CXADR: variants seen among roughly 807,000 people sequenced by gnomAD.
CXADR encodes the protein CXADR cell adhesion molecule, also known as coxsackievirus and adenovirus receptor.
A neutral mutation model predicts 40.3 loss-of-function variants in CXADR; 20 were observed. The observed-to-expected ratio is 0.50, with a 90% CI of 0.35 to 0.72. The LOEUF is 0.72. Ranked by LOEUF, CXADR falls within the 30% of genes least tolerant of loss-of-function variation. CXADR has a pLI of 0.01. For missense variants in CXADR, 332 were observed against 449.1 expected, an observed-to-expected ratio of 0.74 and a Z score of 2.36; for synonymous variants, 150 against 161.3, an observed-to-expected ratio of 0.93 and a Z score of 0.53.
chr21:17,619,106 T>G, the CXADR span, among the ~76,000 whole-genome samples: 3 of 152,218 alleles, frequency 2.0e-5, no homozygotes, highest in Non-Finnish European at 4.4e-5. Context: ...CTTTGTTGTT[T>G]TATTTCTAGA....
chr21:17,583,035 A>G (rs116836264), intron 7 of CXADR, among the ~76,000 whole-genome samples: 1,730 of 152,322 alleles, frequency 0.011, 35 homozygotes, highest in African/African-American at 0.039. Flanking sequence ...AGTGACTGCA[A>G]TTTGCAACCT....
At chr21:17,615,957 A>T in the CXADR span, among the ~76,000 whole-genome samples, 1 of 152,186 alleles carries the variant, frequency 6.6e-6, no homozygotes, top group African/African-American at 2.4e-5. Context: ...CAGCATTAAA[A>T]GCAAAACAGT....
the CXADR span, among the ~76,000 whole-genome samples, chr21:17,618,355 C>T: frequency 5.3e-5 from 8 of 152,272 alleles, no homozygotes; most frequent in African/African-American, 1.9e-4. Context: ...TAGTTGGAAT[C>T]GGCTTCTTCC....
At chr21:17,608,712 G>A in the CXADR span, 4 of 367,068 alleles carry the variant, frequency 1.1e-5, no homozygotes, top group Admixed American at 4.5e-5. Context: ...TGCACTGTTA[G>A]GAGCCAGGCT....
intron 1 of CXADR, among the ~76,000 whole-genome samples, chr21:17,534,045 T>TATATATAGCTATATATATATATAC (rs1569091517): frequency 1.3e-4 from 16 of 127,500 alleles, no homozygotes; most frequent in African/African-American, 4.9e-4. Context: ...TATATATATA[T>TATATATAGCTATATATATATATAC]ACACATATAT....
At chr21:17,610,398 G>A in the CXADR span, among the ~76,000 whole-genome samples, 3 of 152,170 alleles carry the variant, frequency 2.0e-5, no homozygotes, top group African/African-American at 4.8e-5. Context: ...CTTTCAGGAA[G>A]AGAGATACAT....
At chr21:17,563,757 C>T (rs190352361) in intron 6 of CXADR, among the ~76,000 whole-genome samples, 2,073 of 151,138 alleles carry the variant, frequency 0.014, 46 homozygotes, top group African/African-American at 0.045. Context: ...CTGGCTAACA[C>T]GGTGAAACCC....
At chr21:17,585,760 C>T (rs1293600384) in intron 7 of CXADR, among the ~76,000 whole-genome samples, 1 of 152,186 alleles carries the variant, frequency 6.6e-6, no homozygotes, top group East Asian at 1.9e-4. Flanking sequence ...GCTCATGATC[C>T]GCCCGCCTTG....
At chr21:17,594,933 C>T (rs1178375569), downstream of CXADR, among the ~76,000 whole-genome samples, 1 of 151,110 alleles carries the variant, frequency 6.6e-6, no homozygotes, top group Non-Finnish European at 1.5e-5. Flanking sequence ...ATATGTACAA[C>T]AAATCCCTGT....
chr21:17,592,497 TTC>T (rs950833402), intron 7 of CXADR, among the ~76,000 whole-genome samples: 66 of 151,974 alleles, frequency 4.3e-4, no homozygotes, highest in African/African-American at 1.1e-3. Flanking sequence ...AATAAATAAA[TTC>T]TGTCTGCTAA....
downstream of CXADR, among the ~76,000 whole-genome samples, chr21:17,598,033 A>G (rs1297163251): frequency 6.6e-6 from 1 of 152,188 alleles, no homozygotes; most frequent in Non-Finnish European, 1.5e-5. Flanking sequence ...TTCCTGTTGA[A>G]GAATGCTGTT....
intron 1 of CXADR, among the ~76,000 whole-genome samples, chr21:17,537,556 A>T (rs912227822): frequency 3.3e-5 from 5 of 152,112 alleles, no homozygotes; most frequent in Non-Finnish European, 7.4e-5. Context: ...CCCTGCTTGA[A>T]TTCTACAATG....
intron 1 of CXADR, among the ~76,000 whole-genome samples, chr21:17,526,079 G>A (rs1357395773): frequency 1.3e-5 from 2 of 152,212 alleles, no homozygotes; most frequent in Non-Finnish European, 2.9e-5. Context: ...TCTGGTCAGT[G>A]TTTGACCTAC....
chr21:17,563,579 A>G (rs1007723486), intron 6 of CXADR, among the ~76,000 whole-genome samples: 2 of 152,160 alleles, frequency 1.3e-5, no homozygotes, highest in African/African-American at 4.8e-5. Flanking sequence ...TGATTATGAG[A>G]AAGTTTGAAC....
the CXADR span, chr21:17,611,578 G>A: frequency 1.3e-5 from 2 of 152,258 alleles, no homozygotes; most frequent in African/African-American, 4.8e-5. Flanking sequence ...GAGAGTTACA[G>A]TCAGGGCAAG....
chr21:17,535,616 C>G (rs1177158124), intron 1 of CXADR, among the ~76,000 whole-genome samples: 1 of 152,122 alleles, frequency 6.6e-6, no homozygotes, highest in Non-Finnish European at 1.5e-5. Flanking sequence ...TCACAAAGCT[C>G]AATATTAAAT....
rs115370113 is a variant in CXADR, at chr21:17,577,384, A to G, written c.1017+11773A>G. Among the ~76,000 whole-genome samples the G allele has an allele frequency of 3.6e-3, 553 of 152,242 alleles. 5 individuals carry two copies. The highest frequency in any genetic ancestry group is 0.013 in the African/African-American group (524 of 41,542). On this transcript the variant is annotated intron_variant, in intron 7 of 7. Transcript: ENST00000400169. ...AAGTATTTCATATATATCCATTTTA[A>G]TGAAGCATGATGTTTCATTAAGTTG...
In CXADR at chr21:17,568,022, C is replaced by CCAGA; in HGVS notation, c.*2331_*2334dup. On this transcript the variant is annotated 3_prime_UTR_variant, in exon 7 of 7. Coordinates refer to ENST00000284878, the MANE Select transcript of CXADR (RefSeq NM_001338.5). The stretch of plus-strand genomic sequence containing the variant: ...AGTTCTCACTGATAATTTAGTTGAA[C>CCAGA]CAGAGATCAAATATTTGCTCCCGAA... 2.0e-6 allele frequency: 2 copies of CCAGA among 984,464 alleles called. No homozygotes were observed. Among genetic ancestry groups the CCAGA allele is most frequent in the Non-Finnish European group, 2.4e-6 (2 of 829,788 alleles). The allele number at this position is 984,464 out of a possible 1,614,324, so 61.0% of individuals were successfully genotyped here.
chr21:17,552,291 A>G (rs957989373), intron 3 of CXADR, among the ~76,000 whole-genome samples: 1 of 152,216 alleles, frequency 6.6e-6, no homozygotes, highest in African/African-American at 2.4e-5. Flanking sequence ...ATGTAGAACC[A>G]TGTTTCTATG....
Sources: allele counts gnomAD v4.1 joint callset (sites outside exome capture counted in the v4.1 genomes callset), GRCh38; gene constraint gnomAD v4.1.1; transcripts MANE v1.5; gene names NCBI Gene and HGNC (gene_info 2026-07-23, HGNC 2026-07-21).